The following ZFYVE9 variants were observed in gnomAD, a reference collection of about 807,000 sequenced individuals.
ZFYVE9 encodes the protein zinc finger FYVE domain-containing protein 9.
ZFYVE9 carries 43 observed loss-of-function variants against 126.7 expected under a neutral mutation model. That is an observed-to-expected ratio of 0.34 (90% CI 0.27 to 0.44). The LOEUF (loss-of-function observed/expected upper bound fraction) is 0.44. Among genes scored for constraint, ZFYVE9 ranks in the 20% least tolerant of loss-of-function variants. The pLI is 1.00. For synonymous variants in ZFYVE9, 521 were observed against 597.4 expected, an observed-to-expected ratio of 0.87 and a Z score of 1.87; for missense variants, 1,476 against 1,697.0, an observed-to-expected ratio of 0.87 and a Z score of 2.29.
chr1:52,312,519 G>C (rs1047757346), intron 13 of ZFYVE9, among the ~76,000 whole-genome samples: 1 of 152,134 alleles, frequency 6.6e-6, no homozygotes, highest in Non-Finnish European at 1.5e-5. Context: ...TAGCTAATTG[G>C]GAGCATCTTT....
intron 1 of ZFYVE9, among the ~76,000 whole-genome samples, chr1:52,211,334 C>G (rs1430020878): frequency 6.6e-6 from 1 of 152,072 alleles, no homozygotes; most frequent in Non-Finnish European, 1.5e-5. Flanking sequence ...GTCACAGGTG[C>G]TACGTCACAA....
chr1:52,254,321 A>T (rs1645481868), intron 4 of ZFYVE9: 1 of 157,742 alleles, frequency 6.3e-6, no homozygotes, highest in African/African-American at 2.4e-5. Flanking sequence ...TGTAATTTTG[A>T]TAAATTTGGG....
At chr1:52,228,672 A>G (rs1022903483) in intron 2 of ZFYVE9, among the ~76,000 whole-genome samples, 3 of 152,216 alleles carry the variant, frequency 2.0e-5, no homozygotes, top group Admixed American at 6.5e-5. Flanking sequence ...GCATTCCCCT[A>G]CAAAATCAGA....
chr1:52,187,668 A>G (rs1644777274), intron 1 of ZFYVE9, among the ~76,000 whole-genome samples: 1 of 152,246 alleles, frequency 6.6e-6, no homozygotes, highest in Non-Finnish European at 1.5e-5. Flanking sequence ...TCAAAAGAAG[A>G]CATACATGTG....
In ZFYVE9 at chr1:52,330,965, A is replaced by T. The variant is rs540880116; in HGVS notation, c.3439-1803A>T. ...CACTGCAGCCTCCACCTGTTGGGGTAAAGTGATTCTCCTGCCTCAGCCTCC... is the reference window on the plus strand; with the variant it reads ...CACTGCAGCCTCCACCTGTTGGGGTTAAGTGATTCTCCTGCCTCAGCCTCC... On this transcript the variant is annotated intron_variant, in intron 13 of 18. Transcript: ENST00000287727. 2.4e-3 allele frequency among the ~76,000 whole-genome samples: 365 copies of T among 152,138 alleles called. 1 individual carries two copies. The highest frequency in any genetic ancestry group is 4.3e-3 in the Non-Finnish European group (295 of 67,970).
chr1:52,225,222 G>T (rs895448203), intron 2 of ZFYVE9, among the ~76,000 whole-genome samples: 5 of 152,180 alleles, frequency 3.3e-5, no homozygotes, highest in Admixed American at 6.5e-5. Context: ...CCATGTTGCT[G>T]AGAGTCCGGA....
chr1:52,235,813 G>A (rs756816010), intron 3 of ZFYVE9, among the ~76,000 whole-genome samples: 3 of 151,942 alleles, frequency 2.0e-5, no homozygotes, highest in African/African-American at 7.3e-5. Flanking sequence ...ATTCAAGCTC[G>A]CTTACCTCAT....
intron 1 of ZFYVE9, among the ~76,000 whole-genome samples, chr1:52,195,183 T>C (rs1294064092): frequency 6.6e-6 from 1 of 152,214 alleles, no homozygotes; most frequent in African/African-American, 2.4e-5. Context: ...TCTTTCTCTT[T>C]TCTTTGCAAA....
At chr1:52,288,362 A>G (rs999957148) in intron 10 of ZFYVE9, among the ~76,000 whole-genome samples, 1 of 152,198 alleles carries the variant, frequency 6.6e-6, no homozygotes, top group Non-Finnish European at 1.5e-5. Flanking sequence ...TGGTGCCATC[A>G]TAGCACACTC....
At position 52,334,749 on chromosome 1, in the gene ZFYVE9, C is replaced by G. The variant is rs770715618; in HGVS notation, c.3651C>G (p.Ala1217=). The G allele has an allele frequency of 6.2e-7, 1 of 1,613,910 alleles. No individual in the cohort carries two copies. Among genetic ancestry groups the G allele is most frequent in the East Asian group, 2.2e-5 (1 of 44,854 alleles). The change falls in exon 15 of 19, where the codon GCC becomes GCG. Residue 1217 remains alanine (A), a synonymous_variant. Coordinates refer to ENST00000287727, the MANE Select transcript of ZFYVE9 (RefSeq NM_004799.4). The part of the protein sequence containing the change: ...GALKSSSGYL[A]KSSIVEDGVM... ...TGAAATCCTCTTCTGGATACCTTGC[C>G]AAGTCCAGTATTGTGGAAGGTAAAG...
chr1:52,333,791 TAA>T (rs547487941), intron 14 of ZFYVE9, among the ~76,000 whole-genome samples: 77 of 122,868 alleles, frequency 6.3e-4, no homozygotes, highest in Non-Finnish European at 4.9e-4. Flanking sequence ...CCCTGTCTCT[TAA>T]AAAAAAAAAA....
At chr1:52,212,404 C>A (rs564432055) in intron 1 of ZFYVE9, among the ~76,000 whole-genome samples, 3 of 152,302 alleles carry the variant, frequency 2.0e-5, no homozygotes, top group Non-Finnish European at 4.4e-5. Context: ...ACCTTGGCCT[C>A]CCAAAGTGCT....
chr1:52,291,885 CA>C (rs1171027696), intron 10 of ZFYVE9, among the ~76,000 whole-genome samples: 1,596 of 58,754 alleles, frequency 0.027, 18 homozygotes, highest in East Asian at 0.18. Flanking sequence ...GACTCTGTCT[CA>C]AAAAAAAAAA....
chr1:52,261,982 A>G (rs1196995431), intron 4 of ZFYVE9, among the ~76,000 whole-genome samples: 3 of 152,262 alleles, frequency 2.0e-5, no homozygotes, highest in Non-Finnish European at 1.5e-5. Flanking sequence ...CATGTAATTT[A>G]CTAGCTGTAT....
At chr1:52,226,526 ACT>A (rs1466238644) in intron 2 of ZFYVE9, among the ~76,000 whole-genome samples, 3 of 152,136 alleles carry the variant, frequency 2.0e-5, no homozygotes, top group South Asian at 4.2e-4. Context: ...GCAGAGTGAG[ACT>A]CTGTCTCAAA....
At chr1:52,297,227 A>G (rs1047974417) in intron 12 of ZFYVE9, among the ~76,000 whole-genome samples, 4 of 151,586 alleles carry the variant, frequency 2.6e-5, no homozygotes, top group Admixed American at 2.6e-4. Context: ...AGTAGTTTTC[A>G]TGAAAAAAAC....
intron 13 of ZFYVE9, among the ~76,000 whole-genome samples, chr1:52,315,963 C>T (rs1021598354): frequency 1.3e-5 from 2 of 151,662 alleles, no homozygotes; most frequent in African/African-American, 4.8e-5. Flanking sequence ...GTCAGGAGTT[C>T]GAGACCAGCC....
intron 4 of ZFYVE9, among the ~76,000 whole-genome samples, chr1:52,245,724 A>G (rs1462830017): frequency 1.3e-5 from 2 of 152,148 alleles, no homozygotes; most frequent in African/African-American, 4.8e-5. Flanking sequence ...CTTCCTGGTA[A>G]ACCTGTGTGA....
chr1:52,326,416 A>C (rs1646292388), intron 13 of ZFYVE9, among the ~76,000 whole-genome samples: 2 of 152,150 alleles, frequency 1.3e-5, no homozygotes, highest in Non-Finnish European at 2.9e-5. Flanking sequence ...GTAAATATTA[A>C]TTTATCTAAC....
Sources: allele counts gnomAD v4.1 joint callset (sites outside exome capture counted in the v4.1 genomes callset), GRCh38; gene constraint gnomAD v4.1.1; transcripts MANE v1.5; gene names NCBI Gene and HGNC (gene_info 2026-07-23, HGNC 2026-07-21).